NLRC5: variants seen among roughly 807,000 people sequenced by gnomAD.
NLRC5 encodes NLR family CARD domain containing 5.
A neutral mutation model predicts 206.9 loss-of-function variants in NLRC5; 114 were observed. That is an observed-to-expected ratio of 0.55 (90% CI 0.47 to 0.64). The LOEUF is 0.64. NLRC5 is among the 30% of genes least tolerant of loss of function. The pLI, the probability that NLRC5 is intolerant of heterozygous loss-of-function variation, is 0.00. For missense variants in NLRC5, 2,008 were observed against 2,305.5 expected, an observed-to-expected ratio of 0.87 and a Z score of 2.64; for synonymous variants, 952 against 962.8, an observed-to-expected ratio of 0.99 and a Z score of 0.21.
intron 1 of NLRC5, among the ~76,000 whole-genome samples, 194 bp from the exon 2 acceptor site, chr16:57,016,880 G>A (rs533846003): frequency 6.6e-5 from 10 of 152,280 alleles, no homozygotes; most frequent in African/African-American, 1.9e-4. Context: ...GTTAGGCTGC[G>A]TAAACCCAGG....
chr16:57,049,441 A>G (rs72780017), intron 23 of NLRC5, among the ~76,000 whole-genome samples: 11,985 of 152,234 alleles, frequency 0.079, 523 homozygotes, highest in African/African-American at 0.089. Flanking sequence ...AGCTTAATAT[A>G]AAAAGCCCAC....
chr16:57,040,339 G>A (rs1418960915), intron 16 of NLRC5, among the ~76,000 whole-genome samples: 3 of 152,222 alleles, frequency 2.0e-5, no homozygotes, highest in Non-Finnish European at 4.4e-5. Flanking sequence ...GATTCCAGCT[G>A]GGGCTGACAT....
intron 1 of NLRC5, among the ~76,000 whole-genome samples, chr16:56,992,823 C>G (rs1055742644): frequency 6.6e-6 from 1 of 151,956 alleles, no homozygotes; most frequent in South Asian, 2.1e-4. Context: ...AATGGTATCT[C>G]ACTTTTAAAA....
intron 32 of NLRC5, chr16:57,062,217 C>T (rs965616984): frequency 1.5e-5 from 7 of 456,382 alleles, no homozygotes; most frequent in Admixed American, 6.2e-5. Flanking sequence ...AATATTTCAC[C>T]GTGAAGCTCC....
At chr16:57,057,378 C>T (rs1367515638) in intron 27 of NLRC5, among the ~76,000 whole-genome samples, 1 of 152,200 alleles carries the variant, frequency 6.6e-6, no homozygotes, top group African/African-American at 2.4e-5. Flanking sequence ...GAGCCAAGAT[C>T]GTGCCATTGC....
At chr16:57,042,350 G>A (rs2063389494) in intron 19 of NLRC5, among the ~76,000 whole-genome samples, 1 of 152,138 alleles carries the variant, frequency 6.6e-6, no homozygotes, top group Non-Finnish European at 1.5e-5. Flanking sequence ...GCAGGTGTGG[G>A]TGCGAAGTAT....
intron 1 of NLRC5, among the ~76,000 whole-genome samples, chr16:56,993,583 C>T (rs973587622): frequency 6.6e-6 from 1 of 152,150 alleles, no homozygotes; most frequent in Admixed American, 6.5e-5. Flanking sequence ...TTTGCTCCCA[C>T]CAGCTGGAGG....
intron 7 of NLRC5, 46 bp from the exon 8 acceptor site, chr16:57,028,256 C>A: frequency 6.3e-7 from 1 of 1,596,096 alleles, no homozygotes; most frequent in African/African-American, 1.3e-5. Context: ...TGGCCCCGCC[C>A]TTTTCCCCTC....
At chr16:57,057,917 C>G (rs78300789) in intron 27 of NLRC5, 148 bp from the exon 28 acceptor site, 2 of 676,332 alleles carry the variant, frequency 3.0e-6, no homozygotes, top group African/African-American at 3.6e-5. Flanking sequence ...GGTGGTGATA[C>G]TGGTGATGGT....
intron 1 of NLRC5, among the ~76,000 whole-genome samples, chr16:56,999,461 C>T (rs377723539): frequency 3.0e-4 from 45 of 152,382 alleles, no homozygotes; most frequent in Middle Eastern, 3.4e-3. Context: ...TCCTTTATGT[C>T]TCGAGCTTAC....
chr16:57,009,389 C>G (rs1343852555), intron 1 of NLRC5, among the ~76,000 whole-genome samples: 2 of 151,472 alleles, frequency 1.3e-5, no homozygotes, highest in South Asian at 2.1e-4. Context: ...GTTAGGAGAT[C>G]GAGACCATCC....
chr16:57,080,899 G>C (rs1483062321), intron 46 of NLRC5, 199 bp from the exon 47 acceptor site: 17 of 549,070 alleles, frequency 3.1e-5, no homozygotes, highest in Non-Finnish European at 4.9e-5. Context: ...ATTCAAACTT[G>C]ACGGGGAGGG....
intron 1 of NLRC5, among the ~76,000 whole-genome samples, chr16:56,994,417 C>A (rs1269139721): frequency 6.6e-6 from 1 of 152,184 alleles, no homozygotes; most frequent in East Asian, 1.9e-4. Context: ...CTCCACTGAG[C>A]TTCCACACAC....
rs1437229458 is a variant in NLRC5 at position 57,025,512 on chromosome 16, C to A, written c.569C>A (p.Thr190Asn). ...ILRRATASLD[T>N]PEGAIMGDVK... Reference sequence around the variant, plus strand: ...CGCCGGGCCACAGCATCCTTAGACACTCCGGAGGGGGCCATTATGGGGGAC... The same window carrying A: ...CGCCGGGCCACAGCATCCTTAGACAATCCGGAGGGGGCCATTATGGGGGAC... Residue 190 changes from threonine (T) to asparagine (N), a missense_variant, in exon 6 of 49, where the codon ACT becomes AAT. Thr to Asn is a moderately conservative substitution (Grantham distance 65, BLOSUM62 0). Transcript: ENST00000688547. 6.2e-7 allele frequency: 1 copy of A among 1,613,634 alleles called. No homozygotes were observed. The highest frequency in any genetic ancestry group is 1.1e-5 in the South Asian group (1 of 90,990).
In NLRC5 at chr16:57,026,690, G is replaced by A; in HGVS notation, c.1747G>A (p.Gly583Ser). 1 of 1,614,078 alleles carries A rather than the reference G, an allele frequency of 6.2e-7. No individual in the cohort carries two copies. The highest frequency in any genetic ancestry group is 8.5e-7 in the Non-Finnish European group (1 of 1,179,950). Residue 583 changes from glycine to serine, a missense_variant, in exon 6 of 49, where the codon GGC becomes AGC. Physicochemically the swap from Gly to Ser is moderately conservative, Grantham distance 56. Coordinates refer to ENST00000688547, the MANE Select transcript of NLRC5 (RefSeq NM_001384950.1). ...CCCCTTCCTTAGCCACCTGGCGCAGGGCAATGAGGACTGTGTGGGTGCCAA... is the reference window on the plus strand; with the variant it reads ...CCCCTTCCTTAGCCACCTGGCGCAGAGCAATGAGGACTGTGTGGGTGCCAA... ...CRPFLSHLAQ[G>S]NEDCVGAKQA...
At chr16:57,067,297 C>A in intron 34 of NLRC5, 90 bp from the exon 35 acceptor site, 1 of 1,004,956 alleles carries the variant, frequency 1.0e-6, no homozygotes, top group Non-Finnish European at 1.6e-6. Context: ...ATTTATTTAC[C>A]CCTACACCAT....
rs2063341457 is a variant in NLRC5, at chr16:57,042,021, G to A, written c.3069G>A (p.Arg1023=). The change falls in exon 19 of 49, where the codon CGG becomes CGA. Residue 1023 remains arginine (R), a synonymous_variant. Transcript: ENST00000688547. ...GNALGDEGAA[R]LAQLLPGLGA... ...CTCTGGGGGATGAAGGTGCAGCCCG[G>A]CTGGCTCAGCTGCTCCCAGGGCTGG... 1 of 1,572,516 alleles carries A rather than the reference G, an allele frequency of 6.4e-7. No homozygotes were observed. Among genetic ancestry groups the A allele is most frequent in the East Asian group, 2.4e-5 (1 of 42,458 alleles).
Position 57,026,685 on chromosome 16 carries a change from C to A in NLRC5, c.1742C>A (p.Ala581Glu), listed in dbSNP as rs748952382. The change falls in exon 6 of 49, where the codon GCG (alanine) becomes GAG (glutamate). Residue 581 changes from alanine to glutamate, a missense_variant. Coordinates refer to ENST00000688547, the MANE Select transcript of NLRC5 (RefSeq NM_001384950.1). ...TGCCGCCCCTTCCTTAGCCACCTGG[C>A]GCAGGGCAATGAGGACTGTGTGGGT... ...CTCRPFLSHL[A>E]QGNEDCVGAK... 5.0e-6 allele frequency: 8 copies of A among 1,613,940 alleles called. No individual in the cohort carries two copies. The highest frequency in any genetic ancestry group is 5.9e-6 in the Non-Finnish European group (7 of 1,179,944).
chr16:57,059,605 C>T (rs1004810177), intron 30 of NLRC5, 73 bp downstream of exon 30: 21 of 1,378,352 alleles, frequency 1.5e-5, no homozygotes, highest in Admixed American at 1.5e-4. Context: ...GCCTCCATGG[C>T]CCCCTCTTCC....
Sources: gnomAD v4.1 joint callset for allele counts (sites outside exome capture counted in the v4.1 genomes callset) on GRCh38, gnomAD v4.1.1 for gene constraint, MANE v1.5 for transcripts, NCBI Gene and HGNC (gene_info 2026-07-23, HGNC 2026-07-21) for gene names.